GPC6: variants seen among roughly 807,000 people sequenced by gnomAD.
GPC6 encodes glypican-6.
GPC6 carries 14 observed loss-of-function variants against 55.2 expected under a neutral mutation model. The ratio of observed to expected loss-of-function variants is 0.25; its 90% CI spans 0.17 to 0.40. The LOEUF (loss-of-function observed/expected upper bound fraction) is 0.40. Among genes scored for constraint, GPC6 ranks in the 10% least tolerant of loss-of-function variants. The pLI is 1.00. For synonymous variants in GPC6, 278 were observed against 259.6 expected (o/e 1.07, Z -0.68); for missense variants, 641 against 708.5 (o/e 0.90, Z 1.08).
Position 94,091,908 on chromosome 13 carries a change from T to TTG in GPC6, c.877+64038_877+64039dup, listed in dbSNP as rs61061006. On this transcript the variant is annotated intron_variant, in intron 4 of 8. Coordinates refer to ENST00000377047, the MANE Select transcript of GPC6 (RefSeq NM_005708.5). ...GAGATCAAATTCTGTGTGTGTGTGT[T>TTG]TGTGTGTGTGTGTGTGTGTGTGTGT... Among the ~76,000 whole-genome samples the TTG allele has an allele frequency of 8.1e-3, 1,207 of 148,372 alleles. 14 individuals carry two copies. Among genetic ancestry groups the TTG allele is most frequent in the African/African-American group, 0.025 (998 of 40,070 alleles).
chr13:93,280,309 T>C (rs1877906773), intron 1 of GPC6, among the ~76,000 whole-genome samples: 1 of 152,230 alleles, frequency 6.6e-6, no homozygotes, highest in South Asian at 2.1e-4. Context: ...ATTCTTTGTA[T>C]ACATATGGTA....
intron 2 of GPC6, among the ~76,000 whole-genome samples, chr13:93,683,330 C>A (rs1036282326): frequency 1.3e-5 from 2 of 151,884 alleles, no homozygotes; most frequent in African/African-American, 4.8e-5. Context: ...CAAAATTAAT[C>A]TTGTCAAAGA....
At chr13:93,576,698 C>T (rs1017715914) in intron 2 of GPC6, among the ~76,000 whole-genome samples, 6 of 151,882 alleles carry the variant, frequency 4.0e-5, no homozygotes, top group African/African-American at 1.5e-4. Flanking sequence ...AAAATTTTAC[C>T]CCATGACCTT....
intron 2 of GPC6, among the ~76,000 whole-genome samples, chr13:93,734,289 T>C (rs1472861587): frequency 1.3e-5 from 2 of 152,206 alleles, no homozygotes; most frequent in East Asian, 3.8e-4. Context: ...ATTAAAACGT[T>C]TGCAGAATCT....
chr13:93,822,903 A>T (rs1435078815), intron 2 of GPC6, among the ~76,000 whole-genome samples: 1 of 150,806 alleles, frequency 6.6e-6, no homozygotes, highest in African/African-American at 2.4e-5. Context: ...TCGCTCTGTC[A>T]CCCAGGCTGG....
chr13:93,350,096 A>C (rs1880578246), intron 1 of GPC6, among the ~76,000 whole-genome samples: 1 of 152,246 alleles, frequency 6.6e-6, no homozygotes, highest in Admixed American at 6.5e-5. Flanking sequence ...CCAGGGAAGT[A>C]AAATGGGTAT....
chr13:93,275,869 A>AT (rs933983049), intron 1 of GPC6, among the ~76,000 whole-genome samples: 1 of 151,838 alleles, frequency 6.6e-6, no homozygotes, highest in African/African-American at 2.4e-5. Context: ...TAACAGGATA[A>AT]TTTTTTTGTT....
chr13:93,939,535 G>A (rs1878616511), intron 3 of GPC6, among the ~76,000 whole-genome samples: 1 of 151,978 alleles, frequency 6.6e-6, no homozygotes, highest in African/African-American at 2.4e-5. Context: ...TTCAAAGAAA[G>A]GCTTAGAGTT....
At chr13:94,268,167 G>A (rs1891874634) in intron 4 of GPC6, among the ~76,000 whole-genome samples, 2 of 152,144 alleles carry the variant, frequency 1.3e-5, no homozygotes, top group Non-Finnish European at 2.9e-5. Context: ...GGTACTTAGG[G>A]TAGGCAAATG....
chr13:94,059,747 G>A (rs1384226642), intron 4 of GPC6, among the ~76,000 whole-genome samples: 2 of 151,766 alleles, frequency 1.3e-5, no homozygotes, highest in Non-Finnish European at 2.9e-5. Flanking sequence ...CCCTCACATA[G>A]TGGAAGGGAA....
rs1354457748 is a variant in GPC6, at chr13:93,726,680, C to T, written c.320-103474C>T. On this transcript the variant is annotated intron_variant, in intron 2 of 8. Coordinates refer to ENST00000377047, the MANE Select transcript of GPC6 (RefSeq NM_005708.5). The stretch of plus-strand genomic sequence containing the variant: ...TTTGAGGATGGGCAATTGGAATGCC[C>T]GCCCCCTGCCTGGAATTTTTCTGTG... 2.6e-5 allele frequency among the ~76,000 whole-genome samples: 4 copies of T among 152,026 alleles called. 1 individual carries two copies. The South Asian group carries it at 6.2e-4, about 24-fold the overall frequency.
intron 2 of GPC6, among the ~76,000 whole-genome samples, chr13:93,676,303 G>T (rs1433798251): frequency 6.6e-6 from 1 of 151,120 alleles, no homozygotes; most frequent in Non-Finnish European, 1.5e-5. Context: ...CGTAATCCCA[G>T]CTACTCAGGA....
At position 94,236,044 on chromosome 13, in the gene GPC6, T is replaced by C. The variant is rs138867987; in HGVS notation, c.878-50305T>C. On this transcript the variant is annotated intron_variant, in intron 4 of 8. Coordinates refer to ENST00000377047, the MANE Select transcript of GPC6 (RefSeq NM_005708.5). Reference sequence around the variant, plus strand: ...AACTGTAGTAGCCCCTGGCTGCTTCTTATTAAACTATTAGTTTGGCCTGAA... The same window carrying C: ...AACTGTAGTAGCCCCTGGCTGCTTCCTATTAAACTATTAGTTTGGCCTGAA... 2.0e-3 allele frequency among the ~76,000 whole-genome samples: 312 copies of C among 152,332 alleles called. 1 individual carries two copies. Among genetic ancestry groups the C allele is most frequent in the Non-Finnish European group, 3.4e-3 (232 of 68,022 alleles).
At chr13:94,311,416 G>A (rs758525956) in intron 6 of GPC6, among the ~76,000 whole-genome samples, 19 of 152,062 alleles carry the variant, frequency 1.2e-4, no homozygotes, top group Non-Finnish European at 2.1e-4. Flanking sequence ...TGATCCATCC[G>A]TCTGGGCCTC....
intron 4 of GPC6, among the ~76,000 whole-genome samples, chr13:94,155,171 G>A (rs931924956): frequency 3.3e-5 from 5 of 151,994 alleles, no homozygotes; most frequent in African/African-American, 4.8e-5. Flanking sequence ...GGCATTTTTG[G>A]TGGTAACCTA....
At position 93,341,709 on chromosome 13, in the gene GPC6, C is replaced by G. The variant is rs78629032; in HGVS notation, c.160+114093C>G. Among the ~76,000 whole-genome samples the G allele has an allele frequency of 3.1e-5, 4 of 130,704 alleles. No individual in the cohort carries two copies. In the East Asian group the frequency reaches 9.3e-4, roughly 30 times the overall value. 85.7% of individuals were successfully genotyped at this position (130,704 alleles called of 152,430 possible). A position where few individuals can be genotyped will look rare whatever the true frequency, so the allele number is the denominator to read the frequency against. ...TTACTCCGCTGCTTTTTTTTTTTTT[C>G]TTTTTTTTGCTGAGCAGACGCTTTT... On this transcript the variant is annotated intron_variant, in intron 1 of 8. Coordinates refer to ENST00000377047, the MANE Select transcript of GPC6 (RefSeq NM_005708.5).
At chr13:94,336,791 GA>G (rs944355624) in intron 6 of GPC6, among the ~76,000 whole-genome samples, 55 of 150,794 alleles carry the variant, frequency 3.6e-4, no homozygotes, top group Admixed American at 1.6e-3. Flanking sequence ...TTTACAGAAG[GA>G]AAAAAAAATC....
chr13:93,977,467 GGTGT>G (rs4001797), intron 3 of GPC6, among the ~76,000 whole-genome samples: 37,153 of 137,008 alleles, frequency 0.27, 5,354 homozygotes, highest in Non-Finnish European at 0.33. Flanking sequence ...GATGACAAGG[GGTGT>G]GTGTGTGTGT....
intron 4 of GPC6, among the ~76,000 whole-genome samples, chr13:94,062,397 T>C (rs1054659331): frequency 3.9e-5 from 6 of 152,170 alleles, no homozygotes; most frequent in African/African-American, 1.4e-4. Context: ...ACTACAGGCA[T>C]GTGCCACCAT....
Sources: gnomAD v4.1 joint callset for allele counts (sites outside exome capture counted in the v4.1 genomes callset) on GRCh38, gnomAD v4.1.1 for gene constraint, MANE v1.5 for transcripts, NCBI Gene and HGNC (gene_info 2026-07-23, HGNC 2026-07-21) for gene names.